Variants in LHFPL6 observed in about 807,000 individuals in gnomAD.
LHFPL6 encodes the protein LHFPL tetraspan subfamily member 6 protein.
Under a neutral mutation model 20.6 loss-of-function variants are expected in LHFPL6, and 9 were observed. That is an observed-to-expected ratio of 0.44 (90% CI 0.26 to 0.76). The LOEUF (loss-of-function observed/expected upper bound fraction) is 0.76, where lower values mean the gene tolerates loss of function less well. Among genes scored for constraint, LHFPL6 ranks in the 30% least tolerant of loss-of-function variants. LHFPL6 has a pLI of 0.20. For synonymous variants in LHFPL6, 105 were observed against 98.7 expected (o/e 1.06, Z -0.38); for missense variants, 218 against 253.5 (o/e 0.86, Z 0.95).
At position 39,562,467 on chromosome 13, in the gene LHFPL6, C is replaced by CATATATACAT. The variant is rs1285613619; in HGVS notation, c.385+38364_385+38365insATGTATATAT. On this transcript the variant is annotated intron_variant, in intron 2 of 3. Transcript: ENST00000379589. ...ATATACACATATATACATATATACA[C>CATATATACAT]ATATACACATATACATATATACACA... Among the ~76,000 whole-genome samples, 240 of 114,344 alleles carry CATATATACAT rather than the reference C, an allele frequency of 2.1e-3. 1 individual carries two copies. The highest frequency in any genetic ancestry group is 0.017 in the East Asian group (56 of 3,246). 75.0% of individuals were successfully genotyped at this position (114,344 alleles called of 152,430 possible).
chr13:39,572,755 C>T (rs578262619), intron 2 of LHFPL6, among the ~76,000 whole-genome samples: 1 of 152,262 alleles, frequency 6.6e-6, no homozygotes, highest in South Asian at 2.1e-4. Flanking sequence ...AGATCTTAAC[C>T]TTCTGAGTTT....
At chr13:39,563,200 AG>A (rs1314709480) in intron 2 of LHFPL6, among the ~76,000 whole-genome samples, 1 of 152,054 alleles carries the variant, frequency 6.6e-6, no homozygotes, top group East Asian at 1.9e-4. Flanking sequence ...AAAAAATTAG[AG>A]CTAATTAAAT....
intron 2 of LHFPL6, among the ~76,000 whole-genome samples, chr13:39,556,366 T>C (rs1248516075): frequency 6.6e-6 from 1 of 152,156 alleles, no homozygotes; most frequent in East Asian, 1.9e-4. Flanking sequence ...TAAATGGTTG[T>C]GACCAAAACG....
chr13:39,504,652 A>G (rs1006591950), intron 2 of LHFPL6, among the ~76,000 whole-genome samples: 1 of 152,200 alleles, frequency 6.6e-6, no homozygotes, highest in Non-Finnish European at 1.5e-5. Context: ...GACACCAGTT[A>G]CATTGGATTA....
At position 39,568,047 on chromosome 13, in the gene LHFPL6, G is replaced by A. The variant is rs574298228; in HGVS notation, c.385+32785C>T. On this transcript the variant is annotated intron_variant, in intron 2 of 3. Coordinates refer to ENST00000379589, the MANE Select transcript of LHFPL6 (RefSeq NM_005780.3). ...ACTACAGGAAGAACTAGAACAAGTG[G>A]TCTTAGTTACTTCATTGGGAGTTAT... is the stretch of plus-strand genomic sequence containing the variant. Among the ~76,000 whole-genome samples, 4 of 152,286 alleles carry A rather than the reference G, an allele frequency of 2.6e-5. No homozygotes were observed. The South Asian group carries it at 8.3e-4, about 32-fold the overall frequency.
intron 2 of LHFPL6, among the ~76,000 whole-genome samples, chr13:39,472,283 G>A (rs568667031): frequency 5.9e-5 from 9 of 152,178 alleles, no homozygotes; most frequent in Middle Eastern, 3.4e-3. Flanking sequence ...CATCCAATCC[G>A]AGATGCCTTC....
chr13:39,437,588 A>C (rs1871996548), intron 2 of LHFPL6, among the ~76,000 whole-genome samples: 2 of 152,202 alleles, frequency 1.3e-5, no homozygotes, highest in Admixed American at 1.3e-4. Context: ...ATTGAGTCTC[A>C]GGTATTTCTT....
intron 3 of LHFPL6, among the ~76,000 whole-genome samples, chr13:39,371,128 T>A (rs955582389): frequency 6.6e-6 from 1 of 152,192 alleles, no homozygotes; most frequent in Non-Finnish European, 1.5e-5. Flanking sequence ...TGGGAGGCTC[T>A]GAGTTTCCAG....
chr13:39,515,438 C>T, intron 2 of LHFPL6, among the ~76,000 whole-genome samples: 1 of 152,212 alleles, frequency 6.6e-6, no homozygotes, highest in Middle Eastern at 3.2e-3. Flanking sequence ...CCTTTAGTCA[C>T]TTGAATTGAC....
intron 2 of LHFPL6, among the ~76,000 whole-genome samples, chr13:39,531,606 T>C (rs1870467577): frequency 6.6e-6 from 1 of 152,140 alleles, no homozygotes; most frequent in African/African-American, 2.4e-5. Context: ...CATTAGGTTG[T>C]AAAAGCTCCT....
chr13:39,550,656 T>C (rs1871123376), intron 2 of LHFPL6, among the ~76,000 whole-genome samples: 1 of 152,138 alleles, frequency 6.6e-6, no homozygotes, highest in African/African-American at 2.4e-5. Flanking sequence ...AATGCAGACA[T>C]GTGCATTTCC....
At chr13:39,481,986 A>G (rs569997054) in intron 2 of LHFPL6, among the ~76,000 whole-genome samples, 80 of 152,296 alleles carry the variant, frequency 5.3e-4, no homozygotes, top group African/African-American at 1.8e-3. Flanking sequence ...GATATGGGGA[A>G]TCAAAAGTTC....
At chr13:39,539,380 A>T (rs1042573768) in intron 2 of LHFPL6, among the ~76,000 whole-genome samples, 3 of 152,176 alleles carry the variant, frequency 2.0e-5, no homozygotes, top group South Asian at 2.1e-4. Flanking sequence ...AACTCTTCAA[A>T]GCCTCTTTCA....
At chr13:39,552,941 C>T (rs1029458448) in intron 2 of LHFPL6, among the ~76,000 whole-genome samples, 2 of 151,728 alleles carry the variant, frequency 1.3e-5, no homozygotes, top group Non-Finnish European at 2.9e-5. Context: ...GAGGATGATG[C>T]TTTGGGATAC....
intron 3 of LHFPL6, 106 bp from the exon 4 acceptor site, chr13:39,344,160 T>C (rs1869328972): frequency 3.9e-6 from 3 of 770,646 alleles, no homozygotes; most frequent in Non-Finnish European, 6.4e-6. Flanking sequence ...CCTTTAGGAA[T>C]ATGGTATCCT....
intron 2 of LHFPL6, among the ~76,000 whole-genome samples, chr13:39,507,887 C>CT: frequency 1.9e-5 from 2 of 105,204 alleles, no homozygotes; most frequent in Admixed American, 2.2e-4. Context: ...CTTGCCTCCC[C>CT]TCCCTTCCTT....
At chr13:39,544,954 C>T (rs1870930901) in intron 2 of LHFPL6, among the ~76,000 whole-genome samples, 1 of 151,844 alleles carries the variant, frequency 6.6e-6, no homozygotes, top group Non-Finnish European at 1.5e-5. Flanking sequence ...TAAAAAGTGA[C>T]CAAGGGGGCC....
At chr13:39,569,336 G>A (rs1430720357) in intron 2 of LHFPL6, among the ~76,000 whole-genome samples, 1 of 152,152 alleles carries the variant, frequency 6.6e-6, no homozygotes, top group African/African-American at 2.4e-5. Context: ...GGATCTATTA[G>A]CAATTAATGA....
chr13:39,426,366 ATGTGCCACCACGCT>A (rs1344830732), intron 2 of LHFPL6, among the ~76,000 whole-genome samples: 2 of 151,884 alleles, frequency 1.3e-5, no homozygotes, highest in Non-Finnish European at 2.9e-5. Context: ...GATTACAGGC[ATGTGCCACCACGCT>A]TGGCTAATTT....
Sources: gnomAD v4.1 joint callset for allele counts (sites outside exome capture counted in the v4.1 genomes callset) on GRCh38, gnomAD v4.1.1 for gene constraint, MANE v1.5 for transcripts, NCBI Gene and HGNC (gene_info 2026-07-23, HGNC 2026-07-21) for gene names.